PDZD2: variants seen among roughly 807,000 people sequenced by gnomAD.
The protein encoded by PDZD2 is PDZ domain containing 2, also known as PDZ domain-containing protein 2.
PDZD2 carries 90 observed loss-of-function variants against 220.7 expected under a neutral mutation model. The ratio of observed to expected loss-of-function variants is 0.41; its 90% CI spans 0.34 to 0.49. PDZD2 has a LOEUF of 0.49. Among genes scored for constraint, PDZD2 ranks in the 20% least tolerant of loss-of-function variants. The probability of loss-of-function intolerance (pLI) is 0.28; values close to 1 mark genes in which losing one functional copy is unlikely to be tolerated. For synonymous variants in PDZD2, 1,375 were observed against 1,450.5 expected, an observed-to-expected ratio of 0.95 and a Z score of 1.18; for missense variants, 3,174 against 3,608.5, an observed-to-expected ratio of 0.88 and a Z score of 3.08.
intron 1 of PDZD2, among the ~76,000 whole-genome samples, chr5:31,777,172 C>T (rs868179486): frequency 3.3e-5 from 5 of 152,300 alleles, no homozygotes; most frequent in Admixed American, 6.5e-5. Context: ...CGGGTGGGCA[C>T]GGGCTCGGCA....
At chr5:32,003,370 A>C in intron 5 of PDZD2, among the ~76,000 whole-genome samples, 1 of 51,486 alleles carries the variant, frequency 1.9e-5, no homozygotes, top group Non-Finnish European at 4.8e-5. Flanking sequence ...CACCACACAC[A>C]CACCACACAC....
chr5:31,650,671 G>T (rs1745316194), intron 1 of PDZD2, among the ~76,000 whole-genome samples: 1 of 152,098 alleles, frequency 6.6e-6, no homozygotes, highest in Non-Finnish European at 1.5e-5. Flanking sequence ...CAACTTGATG[G>T]TTTAAACCCT....
intron 17 of PDZD2, among the ~76,000 whole-genome samples, chr5:32,073,612 G>C (rs1423477421): frequency 6.8e-6 from 1 of 147,380 alleles, no homozygotes; most frequent in Admixed American, 6.9e-5. Flanking sequence ...AAGGGCGGGG[G>C]GGGTAGGTCA....
At chr5:31,796,416 A>G (rs535406717) in intron 1 of PDZD2, among the ~76,000 whole-genome samples, 90 of 152,164 alleles carry the variant, frequency 5.9e-4, no homozygotes, top group African/African-American at 1.5e-3. Context: ...CAACTTCTCT[A>G]TTTCTTAGCA....
chr5:32,049,027 C>T (rs993926116), intron 8 of PDZD2, among the ~76,000 whole-genome samples: 1 of 152,132 alleles, frequency 6.6e-6, no homozygotes, highest in African/African-American at 2.4e-5. Context: ...AGTGTAACAA[C>T]TGTGGGTGGG....
At chr5:31,933,174 G>A (rs1407455340) in intron 2 of PDZD2, among the ~76,000 whole-genome samples, 1 of 152,122 alleles carries the variant, frequency 6.6e-6, no homozygotes, top group Non-Finnish European at 1.5e-5. Context: ...GTCTCCCAAA[G>A]TGCTAGGATT....
intron 2 of PDZD2, among the ~76,000 whole-genome samples, chr5:31,892,105 C>T (rs77163344): frequency 0.026 from 3,991 of 152,012 alleles, 99 homozygotes; most frequent in South Asian, 0.046. Context: ...AGAGATGTCT[C>T]ATAATGATGC....
At chr5:31,808,188 C>T (rs937650822) in intron 2 of PDZD2, among the ~76,000 whole-genome samples, 3 of 152,210 alleles carry the variant, frequency 2.0e-5, no homozygotes, top group South Asian at 4.2e-4. Context: ...AGGTGCCTGA[C>T]GCTCTGTGCA....
intron 8 of PDZD2, among the ~76,000 whole-genome samples, chr5:32,049,737 G>A (rs1325808302): frequency 6.6e-6 from 1 of 152,132 alleles, no homozygotes. Context: ...AGGGACAATT[G>A]CTCATCAGCC....
chr5:32,103,833 G>GT (rs1284649353), intron 24 of PDZD2: 3 of 152,192 alleles, frequency 2.0e-5, no homozygotes, highest in Non-Finnish European at 2.9e-5. Flanking sequence ...CCCCACACTA[G>GT]AAGAAGCCAC....
chr5:31,709,707 A>G (rs1355449542), intron 1 of PDZD2, among the ~76,000 whole-genome samples: 3 of 151,806 alleles, frequency 2.0e-5, no homozygotes, highest in East Asian at 1.9e-4. Flanking sequence ...TGTAATCCCA[A>G]CACTTTGGGA....
At chr5:31,883,941 G>A (rs891732674) in intron 2 of PDZD2, among the ~76,000 whole-genome samples, 4 of 152,120 alleles carry the variant, frequency 2.6e-5, no homozygotes, top group African/African-American at 9.7e-5. Flanking sequence ...GGCCGGGCGC[G>A]GTGGCTCCCG....
At chr5:31,870,657 G>GTGC (rs546786320) in intron 2 of PDZD2, among the ~76,000 whole-genome samples, 304 of 152,266 alleles carry the variant, frequency 2.0e-3, no homozygotes, top group Middle Eastern at 0.014. Flanking sequence ...GGAGGGCGAG[G>GTGC]TGGGTGGATC....
In PDZD2 at chr5:32,058,012, G is replaced by A. The variant is rs758031215; in HGVS notation, c.2109G>A (p.Ala703=). Residue 703 remains alanine (A), a synonymous_variant, in exon 12 of 25, where the codon GCG becomes GCA. Transcript: ENST00000438447. ...TCAATACCAGTGGGGGAGCCTCAGC[G>A]GGAGGTTCCGATGAAGGCAGTTCTT... is the stretch of plus-strand genomic sequence containing the variant. ...PNFNTSGGAS[A]GGSDEGSSSS... is the part of the protein sequence containing the mutation. 28 of 1,612,340 alleles carry A rather than the reference G, an allele frequency of 1.7e-5. No individual in the cohort carries two copies. The East Asian group carries it at 2.0e-4, about 12-fold the overall frequency.
At chr5:31,912,700 A>G (rs1020366743) in intron 2 of PDZD2, among the ~76,000 whole-genome samples, 5 of 152,188 alleles carry the variant, frequency 3.3e-5, no homozygotes, top group Non-Finnish European at 7.3e-5. Flanking sequence ...AAACAGCTCA[A>G]CCACTCAAAG....
In PDZD2 at chr5:31,936,263, G is replaced by A. The variant is rs1745715604; in HGVS notation, c.477-46892G>A. ...GACCTGAATGGAGAAGGGAAGTGAA[G>A]CACAACCAACTTTGGAGTCTGTCCC... is the stretch of plus-strand genomic sequence containing the variant. On this transcript the variant is annotated intron_variant, in intron 2 of 24. Coordinates refer to ENST00000438447, the MANE Select transcript of PDZD2 (RefSeq NM_178140.4). The A allele has an allele frequency of 2.0e-5, 18 of 907,750 alleles. 1 individual carries two copies. The South Asian group carries it at 8.6e-4, about 43-fold the overall frequency. The allele number at this position is 907,750 out of a possible 1,614,324, so 56.2% of individuals were successfully genotyped here.
intron 2 of PDZD2, among the ~76,000 whole-genome samples, chr5:31,817,965 ATTT>A (rs368621112): frequency 4.5e-5 from 5 of 112,246 alleles, no homozygotes; most frequent in African/African-American, 3.6e-5. Context: ...CACCTGGCCA[ATTT>A]TTTTTTTTTT....
rs34323361 is a variant in PDZD2, at chr5:31,836,228, C to CTTTTTT, written c.476+36515_476+36520dup. 6.8e-3 allele frequency among the ~76,000 whole-genome samples: 825 copies of CTTTTTT among 122,108 alleles called. 32 individuals are homozygous for CTTTTTT. Among genetic ancestry groups the CTTTTTT allele is most frequent in the Non-Finnish European group, 9.5e-3 (583 of 61,236 alleles). 80.1% of individuals were successfully genotyped at this position (122,108 alleles called of 152,430 possible). A position where few individuals can be genotyped will look rare whatever the true frequency, so the allele number is the denominator to read the frequency against. ...TATAAACCAATAGTAATTTTATTGG[C>CTTTTTT]TTTTTTTTTTTTTTTTGAGACAGAG... On this transcript the variant is annotated intron_variant, in intron 2 of 24. Coordinates refer to ENST00000438447, the MANE Select transcript of PDZD2 (RefSeq NM_178140.4).
At chr5:31,759,674 T>A (rs1388649636) in intron 1 of PDZD2, among the ~76,000 whole-genome samples, 4 of 151,756 alleles carry the variant, frequency 2.6e-5, no homozygotes, top group African/African-American at 9.7e-5. Context: ...GCCTCCTGAG[T>A]AGCTGGGATT....
Sources: allele counts gnomAD v4.1 joint callset (sites outside exome capture counted in the v4.1 genomes callset), GRCh38; gene constraint gnomAD v4.1.1; transcripts MANE v1.5; gene names NCBI Gene and HGNC (gene_info 2026-07-23, HGNC 2026-07-21).